ARHGAP6: variants seen among roughly 807,000 people sequenced by gnomAD.
ARHGAP6 encodes rho GTPase-activating protein 6.
A neutral mutation model predicts 55.7 loss-of-function variants in ARHGAP6; 16 were observed. That is an observed-to-expected ratio of 0.29 (90% confidence interval 0.19 to 0.44). The LOEUF is 0.44. Among genes scored for constraint, ARHGAP6 ranks in the 20% least tolerant of loss-of-function variants. The pLI is 1.00. For missense variants in ARHGAP6, 698 were observed against 808.9 expected, an observed-to-expected ratio of 0.86 and a Z score of 1.66; for synonymous variants, 382 against 360.9, an observed-to-expected ratio of 1.06 and a Z score of -0.66.
chrX:11,455,189 T>C (rs1247770503), intron 1 of ARHGAP6, among the ~76,000 whole-genome samples: 1 of 112,356 alleles, frequency 8.9e-6, no homozygotes, highest in African/African-American at 3.2e-5. Context: ...CTTTTGAAAA[T>C]AACCACAGGA....
At chrX:11,188,107 T>C (rs146511014) in intron 4 of ARHGAP6, among the ~76,000 whole-genome samples, 2,689 of 111,779 alleles carry the variant, frequency 0.024, 91 homozygotes, top group African/African-American at 0.084. Context: ...ACCTGGAAGC[T>C]TTAGAGATGC....
At chrX:11,165,717 A>G (rs2046008601) in intron 9 of ARHGAP6, among the ~76,000 whole-genome samples, 1 of 111,597 alleles carries the variant, frequency 9.0e-6, no homozygotes, top group South Asian at 3.8e-4. Context: ...TCCAATGCAC[A>G]TGGTCTTTCT....
At chrX:11,243,149 T>A (rs2047307058) in intron 2 of ARHGAP6, among the ~76,000 whole-genome samples, 1 of 112,166 alleles carries the variant, frequency 8.9e-6, no homozygotes, top group Admixed American at 9.4e-5. Flanking sequence ...TTCCTCTCTA[T>A]CACTTGTCTG....
chrX:11,456,165 T>C (rs1156530450), intron 1 of ARHGAP6, among the ~76,000 whole-genome samples: 1 of 111,954 alleles, frequency 8.9e-6, no homozygotes, highest in East Asian at 2.8e-4. Context: ...TATGCAATAT[T>C]TTATGTAGAA....
At chrX:11,508,514 A>C (rs1268092819) in intron 1 of ARHGAP6, among the ~76,000 whole-genome samples, 1 of 110,597 alleles carries the variant, frequency 9.0e-6, no homozygotes, top group Non-Finnish European at 1.9e-5. Flanking sequence ...CCAACTCCTA[A>C]CTCCATGCCA....
intron 9 of ARHGAP6, among the ~76,000 whole-genome samples, chrX:11,165,787 C>G (rs1475210998): frequency 1.8e-5 from 2 of 110,806 alleles, no homozygotes; most frequent in African/African-American, 3.3e-5. Context: ...ACTACCAGAA[C>G]TCTGTGGAGG....
At chrX:11,361,570 A>T (rs1188139456) in intron 1 of ARHGAP6, among the ~76,000 whole-genome samples, 4 of 109,859 alleles carry the variant, frequency 3.6e-5, no homozygotes, top group African/African-American at 6.6e-5. Flanking sequence ...AACCTAGGCA[A>T]TACCATTCAG....
chrX:11,629,100 T>G (rs1208132441), intron 1 of ARHGAP6, among the ~76,000 whole-genome samples: 1 of 111,428 alleles, frequency 9.0e-6, no homozygotes, highest in Non-Finnish European at 1.9e-5. Context: ...ACTTAGTTCA[T>G]TCCAAGAGAC....
At chrX:11,468,434 C>T (rs926159880) in intron 1 of ARHGAP6, among the ~76,000 whole-genome samples, 1 of 112,072 alleles carries the variant, frequency 8.9e-6, no homozygotes, top group Admixed American at 9.5e-5. Context: ...CTTTCATCGG[C>T]TTTTTCTCTT....
chrX:11,294,900 A>T, intron 1 of ARHGAP6: 1 of 1,146,175 alleles, frequency 8.7e-7, no homozygotes, highest in Non-Finnish European at 1.2e-6. Flanking sequence ...TGGACATAAA[A>T]ATCTGCTCAT....
intron 1 of ARHGAP6, among the ~76,000 whole-genome samples, chrX:11,626,352 C>T (rs1273499379): frequency 9.0e-6 from 1 of 111,479 alleles, no homozygotes; most frequent in African/African-American, 3.2e-5. Context: ...GATATCCAGG[C>T]TCACAGGGTT....
At chrX:11,445,674 C>A (rs2050085589) in intron 1 of ARHGAP6, among the ~76,000 whole-genome samples, 1 of 111,656 alleles carries the variant, frequency 9.0e-6, no homozygotes, top group South Asian at 3.8e-4. Context: ...GATTCTGCCT[C>A]CCAGAGGACA....
At chrX:11,651,130 C>A (rs1320399364) in intron 1 of ARHGAP6, among the ~76,000 whole-genome samples, 1 of 111,395 alleles carries the variant, frequency 9.0e-6, no homozygotes, top group Non-Finnish European at 1.9e-5. Flanking sequence ...GAGTACTAAT[C>A]CTAGGTTCTT....
intron 1 of ARHGAP6, among the ~76,000 whole-genome samples, chrX:11,644,914 C>T (rs1056966114): frequency 9.0e-6 from 1 of 111,667 alleles, no homozygotes; most frequent in Non-Finnish European, 1.9e-5. Context: ...ATACTAATTG[C>T]CCTCAAATTG....
intron 1 of ARHGAP6, among the ~76,000 whole-genome samples, chrX:11,284,657 T>G (rs185047588): frequency 4.2e-4 from 47 of 111,947 alleles, no homozygotes; most frequent in Admixed American, 1.3e-3. Flanking sequence ...CAGCATTCCA[T>G]ATGGCACAAC....
chrX:11,366,586 C>T (rs1260152510), intron 1 of ARHGAP6, among the ~76,000 whole-genome samples: 4 of 111,096 alleles, frequency 3.6e-5, no homozygotes, highest in East Asian at 5.6e-4. Flanking sequence ...TAGACTAGAG[C>T]GACGTGGGTA....
intron 1 of ARHGAP6, among the ~76,000 whole-genome samples, chrX:11,488,876 A>G (rs754143751): frequency 1.5e-3 from 163 of 111,804 alleles, no homozygotes; most frequent in African/African-American, 5.0e-3. Flanking sequence ...TCCTGGTGCC[A>G]AAAAGGTTGG....
At chrX:11,344,951 C>T (rs1327283443) in intron 1 of ARHGAP6, among the ~76,000 whole-genome samples, 1 of 111,693 alleles carries the variant, frequency 9.0e-6, no homozygotes. Context: ...AGCATTTATA[C>T]CACAAGGCAA....
chrX:11,590,854 A>AG (rs2051809313), intron 1 of ARHGAP6, among the ~76,000 whole-genome samples: 2 of 33,000 alleles, frequency 6.1e-5, no homozygotes, highest in East Asian at 1.6e-3. Flanking sequence ...AAGAAAAGAA[A>AG]AGAAAAGAAA....
Sources: allele counts gnomAD v4.1 joint callset (sites outside exome capture counted in the v4.1 genomes callset), GRCh38; gene constraint gnomAD v4.1.1; transcripts MANE v1.5; gene names NCBI Gene and HGNC (gene_info 2026-07-23, HGNC 2026-07-21).